SLC47A1: variants seen among roughly 807,000 people sequenced by gnomAD.
SLC47A1 encodes solute carrier family 47 member 1, also known as multidrug and toxin extrusion protein 1.
A neutral mutation model predicts 65.8 loss-of-function variants in SLC47A1; 58 were observed. The observed-to-expected ratio is 0.88, with a 90% CI of 0.71 to 1.10. The LOEUF (loss-of-function observed/expected upper bound fraction) is 1.10. Among genes scored for constraint, SLC47A1 ranks in the 50% least tolerant of loss-of-function variants. The pLI is 0.00. For missense variants in SLC47A1, 706 were observed against 719.2 expected (o/e 0.98, Z 0.21); for synonymous variants, 285 against 295.0 (o/e 0.97, Z 0.35).
chr17:19,546,299 C>A, intron 2 of SLC47A1, 136 bp from the exon 3 acceptor site: 1 of 765,338 alleles, frequency 1.3e-6, no homozygotes. Flanking sequence ...GGGGTCCAGG[C>A]AGCTAACAAA....
chr17:19,536,253 C>CAATAATAATAATAAT (rs5819675), intron 1 of SLC47A1, among the ~76,000 whole-genome samples: 1,491 of 145,518 alleles, frequency 0.01, 35 homozygotes, highest in East Asian at 0.071. Context: ...AATAGTATAG[C>CAATAATAATAATAAT]AATAATAATA....
rs748843218 is a variant in SLC47A1 at position 19,548,126 on chromosome 17, G to T, written c.448G>T (p.Val150Leu). ...GCTGCTCTTCAGGCAGGACCCAGAT[G>T]TGTCCAGGTAAGATGGAACCTGTCG... ...ILLLFRQDPD[V>L]SRLTQTYVTI... The change falls in exon 4 of 17, where the codon GTG becomes TTG. Residue 150 changes from valine to leucine, a missense_variant. Transcript: ENST00000270570. 2 of 1,613,106 alleles carry T rather than the reference G, an allele frequency of 1.2e-6. No individual in the cohort carries two copies. Among genetic ancestry groups the T allele is most frequent in the East Asian group, 4.5e-5 (2 of 44,884 alleles).
intron 10 of SLC47A1, chr17:19,557,623 A>G: frequency 1.9e-6 from 1 of 518,448 alleles, no homozygotes; most frequent in Non-Finnish European, 3.9e-6. Context: ...CCCTGGGAAC[A>G]TTAACTGCCT....
chr17:19,565,887 A>G (rs2084353807), intron 12 of SLC47A1, among the ~76,000 whole-genome samples: 1 of 152,052 alleles, frequency 6.6e-6, no homozygotes. Flanking sequence ...GGTGGTCTGA[A>G]AATCTTAAGT....
intron 1 of SLC47A1, among the ~76,000 whole-genome samples, chr17:19,537,702 TC>T (rs1916029827): frequency 6.6e-6 from 1 of 152,242 alleles, no homozygotes; most frequent in Admixed American, 6.5e-5. Context: ...CAAGTCCTTT[TC>T]AAACGCACAT....
In SLC47A1 at chr17:19,542,501, G is replaced by C; in HGVS notation, c.237+7G>C. 1 of 1,601,936 alleles carries C rather than the reference G, an allele frequency of 6.2e-7. No individual in the cohort carries two copies. Among genetic ancestry groups the C allele is most frequent in the Non-Finnish European group, 8.5e-7 (1 of 1,175,644 alleles). On this transcript the variant is annotated splice_region_variant and intron_variant, in intron 2 of 16. Coordinates refer to ENST00000270570, the MANE Select transcript of SLC47A1 (RefSeq NM_018242.3). ...AGTCACGCTGGCAATCGCGGTACGT[G>C]TGGGCTTTCTGGCAGGTTTACCAAC... is the stretch of plus-strand genomic sequence containing the variant.
intron 2 of SLC47A1, among the ~76,000 whole-genome samples, chr17:19,546,219 CA>C (rs533755569): frequency 7.2e-4 from 109 of 152,116 alleles, no homozygotes; most frequent in African/African-American, 2.5e-3. Flanking sequence ...AACTCTGTCT[CA>C]AAAAATATAT....
At chr17:19,566,685 A>C in intron 12 of SLC47A1, 105 bp from the exon 13 acceptor site, 1 of 1,036,290 alleles carries the variant, frequency 9.6e-7, no homozygotes, top group Non-Finnish European at 1.5e-6. Flanking sequence ...TCAGCCTCCC[A>C]AAGTGCTGAG....
intron 4 of SLC47A1, among the ~76,000 whole-genome samples, 171 bp from the exon 5 acceptor site, chr17:19,549,464 G>A (rs534390153): frequency 5.3e-4 from 78 of 147,964 alleles, no homozygotes; most frequent in African/African-American, 1.9e-3. Flanking sequence ...TACAGGCTGG[G>A]ATTACAGGCG....
chr17:19,577,650 A>T lies in SLC47A1; in HGVS notation c.*97A>T. Reference sequence around the variant, plus strand: ...AATTTACTGTGAGTTAATGTCATTCAGGTGTGCCCATGGATTTTGAGGGCT... The same window carrying T: ...AATTTACTGTGAGTTAATGTCATTCTGGTGTGCCCATGGATTTTGAGGGCT... On this transcript the variant is annotated 3_prime_UTR_variant, in exon 17 of 17. Coordinates refer to ENST00000270570, the MANE Select transcript of SLC47A1 (RefSeq NM_018242.3). 6.5e-7 allele frequency: 1 copy of T among 1,541,220 alleles called. No homozygotes were observed. The highest frequency in any genetic ancestry group is 8.7e-7 in the Non-Finnish European group (1 of 1,149,634).
At chr17:19,551,334 T>C in intron 5 of SLC47A1, 90 bp from the exon 6 acceptor site, 2 of 1,166,564 alleles carry the variant, frequency 1.7e-6, no homozygotes, top group Non-Finnish European at 2.6e-6. Flanking sequence ...AGCCGAACCT[T>C]GGCTGTGGCT....
Position 19,539,944 on chromosome 17 carries a change from G to A in SLC47A1, c.136-2449G>A, listed in dbSNP as rs541919605. On this transcript the variant is annotated intron_variant, in intron 1 of 16. Transcript: ENST00000270570. The stretch of plus-strand genomic sequence containing the variant: ...GGACTCAAGCCAAGATCCCTGGCAC[G>A]GACTTTCAGGATGGGCTGACTGCAT... Among the ~76,000 whole-genome samples the A allele has an allele frequency of 5.3e-5, 8 of 152,256 alleles. No individual in the cohort carries two copies. The East Asian group carries it at 1.2e-3, about 22-fold the overall frequency.
In SLC47A1 at chr17:19,551,429, C is replaced by A. The variant is rs767221878; in HGVS notation, c.504C>A (p.Thr168=). 17 of 1,608,126 alleles carry A rather than the reference C, an allele frequency of 1.1e-5. No individual in the cohort carries two copies. In the East Asian group the frequency reaches 2.9e-4, roughly 27 times the overall value. ...TCTCTCTTGTTCTCTTGTAGGCAAC[C>A]TTTCTTTATATGTTACAAGTTAAAT... The part of the protein sequence containing the change: ...VTIFIPALPA[T]FLYMLQVKYL... The change falls in exon 6 of 17, where the codon ACC becomes ACA. Residue 168 remains threonine, a synonymous_variant. Coordinates refer to ENST00000270570, the MANE Select transcript of SLC47A1 (RefSeq NM_018242.3).
In SLC47A1 at chr17:19,578,449, C is replaced by A. The variant is rs7223097; in HGVS notation, c.*896C>A. The A allele has an allele frequency of 0.033, 5,959 of 179,298 alleles. 325 individuals carry two copies. Among genetic ancestry groups the A allele is most frequent in the African/African-American group, 0.12 (4,820 of 41,748 alleles). 11.1% of individuals were successfully genotyped at this position (179,298 alleles called of 1,614,324 possible). A position where few individuals can be genotyped will look rare whatever the true frequency, so the allele number is the denominator to read the frequency against. The stretch of plus-strand genomic sequence containing the variant: ...GGGATCAAGCAATCCTTCCACCTTG[C>A]CCTCCCAAAGTGTTGGGATTATAGG... On this transcript the variant is annotated 3_prime_UTR_variant, in exon 17 of 17. Transcript: ENST00000270570.
At chr17:19,563,983 CG>C (rs1412746845) in intron 12 of SLC47A1, among the ~76,000 whole-genome samples, 1 of 133,804 alleles carries the variant, frequency 7.5e-6, no homozygotes, top group African/African-American at 2.7e-5. Flanking sequence ...AGCGAGACTC[CG>C]TCTCAGACAA....
intron 1 of SLC47A1, among the ~76,000 whole-genome samples, chr17:19,536,651 T>C (rs1915995815): frequency 6.6e-6 from 1 of 152,196 alleles, no homozygotes; most frequent in Admixed American, 6.6e-5. Context: ...TGGGTCTGTC[T>C]CCCATCTCTA....
intron 2 of SLC47A1, among the ~76,000 whole-genome samples, chr17:19,546,082 T>C (rs1321529025): frequency 6.6e-6 from 1 of 152,066 alleles, no homozygotes; most frequent in Non-Finnish European, 1.5e-5. Flanking sequence ...TAGCCGGTCA[T>C]GGTAGCGCAC....
rs145367899 is a variant in SLC47A1 at position 19,550,901 on chromosome 17, A to G, written c.499-523A>G. On this transcript the variant is annotated intron_variant, in intron 5 of 16. Coordinates refer to ENST00000270570, the MANE Select transcript of SLC47A1 (RefSeq NM_018242.3). ...ACGAGTCCTATTGGATTAGGGCCCC[A>G]CCCTAATGACCTCATTTTAATTTAA... is the stretch of plus-strand genomic sequence containing the variant. Among the ~76,000 whole-genome samples, 489 of 152,072 alleles carry G rather than the reference A, an allele frequency of 3.2e-3. 1 individual carries two copies. The highest frequency in any genetic ancestry group is 0.011 in the African/African-American group (465 of 41,462).
At chr17:19,566,228 G>A (rs1163951132) in intron 12 of SLC47A1, among the ~76,000 whole-genome samples, 1 of 152,160 alleles carries the variant, frequency 6.6e-6, no homozygotes, top group Non-Finnish European at 1.5e-5. Flanking sequence ...TTAGGGTTCA[G>A]TCCTCTCTGC....
Sources: allele counts gnomAD v4.1 joint callset (sites outside exome capture counted in the v4.1 genomes callset), GRCh38; gene constraint gnomAD v4.1.1; transcripts MANE v1.5; gene names NCBI Gene and HGNC (gene_info 2026-07-23, HGNC 2026-07-21).